The following PDCD6IP variants were observed in gnomAD, a reference collection of about 807,000 sequenced individuals.
PDCD6IP encodes programmed cell death 6-interacting protein.
In PDCD6IP, 43 loss-of-function variants were observed where a neutral mutation model predicts 103.7. The ratio of observed to expected loss-of-function variants is 0.41; its 90% CI spans 0.32 to 0.53. The LOEUF (loss-of-function observed/expected upper bound fraction) is 0.53. Among genes scored for constraint, PDCD6IP ranks in the 20% least tolerant of loss-of-function variants. PDCD6IP has a pLI of 0.16. For synonymous variants in PDCD6IP, 354 were observed against 378.7 expected (o/e 0.93, Z 0.76); for missense variants, 871 against 1,036.7 (o/e 0.84, Z 2.20).
At chr3:33,822,533 G>T (rs1697016175) in intron 4 of PDCD6IP, among the ~76,000 whole-genome samples, 1 of 152,138 alleles carries the variant, frequency 6.6e-6, no homozygotes, top group Admixed American at 6.5e-5. Context: ...TTAACTTTGA[G>T]ACTTGTGGAG....
At chr3:33,800,119 CAAAAAAAAA>C (rs1173163869) in intron 1 of PDCD6IP, among the ~76,000 whole-genome samples, 10 of 50,870 alleles carry the variant, frequency 2.0e-4, no homozygotes, top group Admixed American at 3.9e-4. Flanking sequence ...GACTCCATCT[CAAAAAAAAA>C]AAAAAAAAAA....
intron 6 of PDCD6IP, chr3:33,827,142 T>G: frequency 1.0e-6 from 1 of 985,326 alleles, no homozygotes; most frequent in Non-Finnish European, 1.2e-6. Context: ...GGAAGTATAA[T>G]GTTTTAATGT....
intron 15 of PDCD6IP, among the ~76,000 whole-genome samples, chr3:33,858,864 A>T (rs1409915941): frequency 6.6e-6 from 1 of 151,920 alleles, no homozygotes; most frequent in Non-Finnish European, 1.5e-5. Flanking sequence ...TATGCTTTTG[A>T]TATGCAAACA....
intron 15 of PDCD6IP, among the ~76,000 whole-genome samples, chr3:33,858,868 G>A (rs1697888897): frequency 6.6e-6 from 1 of 151,750 alleles, no homozygotes; most frequent in Non-Finnish European, 1.5e-5. Flanking sequence ...CTTTTGATAT[G>A]CAAACATGCT....
intron 14 of PDCD6IP, 106 bp downstream of exon 14, chr3:33,854,119 G>C (rs559199802): frequency 1.5e-6 from 2 of 1,293,068 alleles, no homozygotes; most frequent in African/African-American, 3.1e-5. Context: ...TCTTTGCCTA[G>C]AATTTTAGCT....
At chr3:33,800,010 C>T (rs1008746628) in intron 1 of PDCD6IP, among the ~76,000 whole-genome samples, 10 of 150,256 alleles carry the variant, frequency 6.7e-5, no homozygotes, top group African/African-American at 2.2e-4. Context: ...GTCCCAGCTA[C>T]TCGGGAGGCT....
At chr3:33,863,952 T>C in intron 15 of PDCD6IP, 54 bp from the exon 16 acceptor site, 2 of 1,126,222 alleles carry the variant, frequency 1.8e-6, no homozygotes, top group Non-Finnish European at 2.7e-6. Context: ...TGATATTTTA[T>C]GTGTGTTAAT....
intron 3 of PDCD6IP, among the ~76,000 whole-genome samples, chr3:33,819,227 C>T (rs1696932038): frequency 6.6e-6 from 1 of 151,658 alleles, no homozygotes; most frequent in African/African-American, 2.4e-5. Context: ...TTTTTTCCTT[C>T]CTCCGCCCTT....
chr3:33,805,204 A>C (rs1301897602), intron 1 of PDCD6IP, among the ~76,000 whole-genome samples: 1 of 151,650 alleles, frequency 6.6e-6, no homozygotes, highest in Non-Finnish European at 1.5e-5. Flanking sequence ...AAAATACAAA[A>C]AGTTAGCCGG....
chr3:33,831,276 A>G (rs1034980260), intron 7 of PDCD6IP, among the ~76,000 whole-genome samples: 3 of 151,824 alleles, frequency 2.0e-5, no homozygotes, highest in African/African-American at 7.3e-5. Context: ...TGACTCACAT[A>G]GAATGACTAC....
At chr3:33,847,752 G>A (rs1228506073) in intron 12 of PDCD6IP, among the ~76,000 whole-genome samples, 2 of 152,074 alleles carry the variant, frequency 1.3e-5, no homozygotes, top group Non-Finnish European at 1.5e-5. Flanking sequence ...GTGGTAATTT[G>A]TATTTAAAGA....
intron 11 of PDCD6IP, 85 bp downstream of exon 11, chr3:33,844,308 T>A: frequency 1.5e-6 from 1 of 663,118 alleles, no homozygotes; most frequent in Non-Finnish European, 2.5e-6. Context: ...GGCTCAGTTG[T>A]AAATTCATTT....
intron 15 of PDCD6IP, among the ~76,000 whole-genome samples, chr3:33,858,683 G>A (rs1697884009): frequency 1.3e-5 from 2 of 152,042 alleles, no homozygotes; most frequent in African/African-American, 2.4e-5. Context: ...GGTGGCGGGC[G>A]CCTGTAATCC....
intron 15 of PDCD6IP, among the ~76,000 whole-genome samples, chr3:33,860,221 A>G (rs1480518164): frequency 1.3e-5 from 2 of 152,212 alleles, no homozygotes; most frequent in Admixed American, 1.3e-4. Flanking sequence ...GGTTTGTTGT[A>G]AACAAGTATA....
intron 15 of PDCD6IP, among the ~76,000 whole-genome samples, chr3:33,862,683 C>G (rs1452157079): frequency 6.6e-6 from 1 of 152,122 alleles, no homozygotes; most frequent in Non-Finnish European, 1.5e-5. Context: ...AAGTTTTTAT[C>G]TAGAAATTTG....
intron 11 of PDCD6IP, among the ~76,000 whole-genome samples, chr3:33,845,010 C>G (rs1221157052): frequency 6.6e-6 from 1 of 150,806 alleles, no homozygotes; most frequent in Admixed American, 6.6e-5. Context: ...GTAAAAAGTT[C>G]ATATATTATT....
chr3:33,853,630 G>A (rs879277820), intron 13 of PDCD6IP, among the ~76,000 whole-genome samples: 1 of 151,956 alleles, frequency 6.6e-6, no homozygotes, highest in Admixed American at 6.6e-5. Context: ...TTTTTTACAA[G>A]TGTTATATAC....
intron 1 of PDCD6IP, among the ~76,000 whole-genome samples, chr3:33,800,590 G>A (rs982465699): frequency 4.6e-5 from 7 of 152,140 alleles, no homozygotes; most frequent in African/African-American, 1.7e-4. Flanking sequence ...TGGGCTGCAA[G>A]GATCATTAGT....
intron 1 of PDCD6IP, among the ~76,000 whole-genome samples, chr3:33,807,076 A>G (rs1282484403): frequency 1.3e-5 from 2 of 152,350 alleles, no homozygotes; most frequent in African/African-American, 2.4e-5. Context: ...GTTACAGGAT[A>G]TAAATGCCCT....
Sources: allele counts gnomAD v4.1 joint callset (sites outside exome capture counted in the v4.1 genomes callset), GRCh38; gene constraint gnomAD v4.1.1; transcripts MANE v1.5; gene names NCBI Gene and HGNC (gene_info 2026-07-23, HGNC 2026-07-21).